Variants in TMEM245 observed in about 807,000 individuals in gnomAD.
TMEM245 encodes transmembrane protein 245, also known as protein CG-2.
In TMEM245, 69 loss-of-function variants were observed where a neutral mutation model predicts 101.2. That is an observed-to-expected ratio of 0.68 (90% CI 0.56 to 0.83). TMEM245 has a LOEUF of 0.83. Ranked by LOEUF, TMEM245 falls within the 40% of genes least tolerant of loss-of-function variation. The pLI, the probability that TMEM245 is intolerant of heterozygous loss-of-function variation, is 0.00. For synonymous variants in TMEM245, 537 were observed against 449.8 expected, an observed-to-expected ratio of 1.19 and a Z score of -2.45; for missense variants, 1,075 against 1,092.8, an observed-to-expected ratio of 0.98 and a Z score of 0.23.
At chr9:109,079,213 T>C (rs1413118197) in intron 8 of TMEM245, among the ~76,000 whole-genome samples, 1 of 152,106 alleles carries the variant, frequency 6.6e-6, no homozygotes, top group Non-Finnish European at 1.5e-5. Flanking sequence ...AATTTCATGT[T>C]GTTTTATTCT....
chr9:109,055,586 A>T (rs914505073), intron 12 of TMEM245, among the ~76,000 whole-genome samples: 1 of 152,044 alleles, frequency 6.6e-6, no homozygotes, highest in African/African-American at 2.4e-5. Flanking sequence ...GCTATTGGAT[A>T]TTGCAAGTAT....
In TMEM245 at chr9:109,022,432, G is replaced by T. The variant is rs150323014; in HGVS notation, c.2595-1927C>A. Among the ~76,000 whole-genome samples, 60 of 152,168 alleles carry T rather than the reference G, an allele frequency of 3.9e-4. 1 individual carries two copies. Among genetic ancestry groups the T allele is most frequent in the African/African-American group, 1.4e-3 (57 of 41,506 alleles). On this transcript the variant is annotated intron_variant, in intron 17 of 17. Transcript: ENST00000374586. ...ATGTTCTGAAAACAAGTCCAAAGGT[G>T]AAGATTTGTATACGCACATGTATGT...
chr9:109,030,334 T>C (rs1827909166), intron 17 of TMEM245, among the ~76,000 whole-genome samples: 1 of 152,048 alleles, frequency 6.6e-6, no homozygotes, highest in African/African-American at 2.4e-5. Context: ...AAAGGCTATA[T>C]GGGTCCTCAC....
At chr9:109,029,787 T>C (rs1827895175) in intron 17 of TMEM245, among the ~76,000 whole-genome samples, 1 of 152,216 alleles carries the variant, frequency 6.6e-6, no homozygotes, top group African/African-American at 2.4e-5. Flanking sequence ...CCAGGGCACT[T>C]AGGACAGTCT....
chr9:109,085,790 C>T (rs1360881246), intron 7 of TMEM245, among the ~76,000 whole-genome samples: 1 of 152,186 alleles, frequency 6.6e-6, no homozygotes, highest in South Asian at 2.1e-4. Context: ...CAAGGAGATA[C>T]CATCCATATC....
chr9:109,021,491 G>T (rs1412992), intron 17 of TMEM245, among the ~76,000 whole-genome samples: 51,740 of 125,586 alleles, frequency 0.41, 8,994 homozygotes, highest in Admixed American at 0.5. Flanking sequence ...CTTTACAGTT[G>T]GTTTTTTGTT....
At chr9:109,046,314 A>T (rs1245515118) in intron 14 of TMEM245, 2 of 534,206 alleles carry the variant, frequency 3.7e-6, no homozygotes, top group Admixed American at 3.9e-5. Flanking sequence ...AGCAAGCAGA[A>T]TGGGAGCATC....
chr9:109,023,793 G>A (rs531015621), intron 17 of TMEM245, among the ~76,000 whole-genome samples: 2 of 148,600 alleles, frequency 1.3e-5, no homozygotes, highest in East Asian at 2.0e-4. Context: ...CCCAGATCGC[G>A]CCACTGCACT....
intron 14 of TMEM245, 104 bp downstream of exon 14, chr9:109,050,179 C>T (rs1482499727): frequency 7.7e-6 from 10 of 1,301,248 alleles, no homozygotes; most frequent in African/African-American, 3.0e-5. Flanking sequence ...GAGTCCATCA[C>T]GAGTTTAGCA....
At chr9:109,063,099 T>C (rs1829062864) in intron 10 of TMEM245, among the ~76,000 whole-genome samples, 1 of 152,186 alleles carries the variant, frequency 6.6e-6, no homozygotes. Context: ...GCCATCTAAT[T>C]TGAGGTAAAC....
At chr9:109,039,584 T>C (rs768279414) in intron 14 of TMEM245, among the ~76,000 whole-genome samples, 4 of 152,018 alleles carry the variant, frequency 2.6e-5, no homozygotes, top group African/African-American at 4.8e-5. Flanking sequence ...CAAGGCTTAA[T>C]AGAAAATTCA....
In TMEM245 at chr9:109,078,352, T is replaced by A. The variant is rs943457758; in HGVS notation, c.1449+2487A>T. 2.6e-5 allele frequency among the ~76,000 whole-genome samples: 4 copies of A among 152,350 alleles called. No individual in the cohort carries two copies. In the East Asian group the frequency reaches 7.7e-4, roughly 29 times the overall value. ...CCCACATATTTTCCAAGTGCTTTCA[T>A]CCCTTTCTTTGGATCCAGATTATTT... On this transcript the variant is annotated intron_variant, in intron 8 of 17. Coordinates refer to ENST00000374586, the MANE Select transcript of TMEM245 (RefSeq NM_032012.4).
rs1009946340 is a variant in TMEM245, at chr9:109,016,667, T to G, written c.*3793A>C. The G allele has an allele frequency of 2.5e-4, 38 of 151,714 alleles. No individual in the cohort carries two copies. Among genetic ancestry groups the G allele is most frequent in the Admixed American group, 7.9e-4 (12 of 15,232 alleles). The allele number at this position is 151,714 out of a possible 1,614,324, so 9.4% of individuals were successfully genotyped here. A position where few individuals can be genotyped will look rare whatever the true frequency, so the allele number is the denominator to read the frequency against. On this transcript the variant is annotated 3_prime_UTR_variant, in exon 18 of 18. Transcript: ENST00000374586. The stretch of plus-strand genomic sequence containing the variant: ...TGCAGACAGCATGTGTGTTTTTTTT[T>G]TTTTTTTTTTTTGCAGGTTCCCAAT...
chr9:109,119,861 C>G lies in TMEM245; in HGVS notation c.53G>C (p.Gly18Ala), dbSNP rs1042017109. ...CGCGCGCGGGACCCGCGGCGCCGGC[C>G]CGGGAGAGCTCCGCAGGCTTGGCGC... Reference protein sequence around the residue: ...KDAPSLRSSPGPAPRVPRAVG... With the variant: ...KDAPSLRSSPAPAPRVPRAVG... The change falls in exon 1 of 18, where the codon GGG becomes GCG. Residue 18 changes from glycine to alanine, a missense_variant. Transcript: ENST00000374586. 2.3e-6 allele frequency: 3 copies of G among 1,324,894 alleles called. No individual in the cohort carries two copies. Among genetic ancestry groups the G allele is most frequent in the East Asian group, 3.1e-5 (1 of 32,252 alleles). The allele number at this position is 1,324,894 out of a possible 1,614,324, so 82.1% of individuals were successfully genotyped here.
At chr9:109,073,113 T>G in intron 9 of TMEM245, 1 of 476,004 alleles carries the variant, frequency 2.1e-6, no homozygotes, top group East Asian at 3.7e-5. Context: ...ATAAACATGC[T>G]GTAAACCTCA....
chr9:109,021,829 AAGGAAGGGAGGG>A (rs1827635278), intron 17 of TMEM245, among the ~76,000 whole-genome samples: 1 of 152,114 alleles, frequency 6.6e-6, no homozygotes. Flanking sequence ...CAAAAAAAGC[AAGGAAGGGAGGG>A]AGGAAGGGAA....
intron 2 of TMEM245, among the ~76,000 whole-genome samples, chr9:109,107,180 G>A (rs34383916): frequency 0.11 from 16,950 of 151,620 alleles, 1,016 homozygotes; most frequent in African/African-American, 0.14. Flanking sequence ...TTGAGGTCAG[G>A]AGTTCGAGAC....
At chr9:109,077,701 G>A (rs1436667343) in intron 8 of TMEM245, among the ~76,000 whole-genome samples, 6 of 152,018 alleles carry the variant, frequency 3.9e-5, no homozygotes, top group Non-Finnish European at 8.8e-5. Context: ...ATTTCTTTTT[G>A]ACAATCTATT....
chr9:109,030,079 T>G (rs968318676), intron 17 of TMEM245, among the ~76,000 whole-genome samples: 1 of 152,206 alleles, frequency 6.6e-6, no homozygotes, highest in Non-Finnish European at 1.5e-5. Flanking sequence ...GAATGGGTAG[T>G]GAAAGCTAAC....
Sources: gnomAD v4.1 joint callset for allele counts (sites outside exome capture counted in the v4.1 genomes callset) on GRCh38, gnomAD v4.1.1 for gene constraint, MANE v1.5 for transcripts, NCBI Gene and HGNC (gene_info 2026-07-23, HGNC 2026-07-21) for gene names.